UBE2R2: variants seen among roughly 807,000 people sequenced by gnomAD.
UBE2R2 encodes ubiquitin conjugating enzyme E2 R2, also known as ubiquitin-conjugating enzyme E2 R2.
UBE2R2 carries 1 observed loss-of-function variant against 27.8 expected under a neutral mutation model. The ratio of observed to expected loss-of-function variants is 0.04; its 90% CI spans 0.01 to 0.17. The LOEUF (loss-of-function observed/expected upper bound fraction) is 0.17. UBE2R2 is among the 10% of genes least tolerant of loss of function. The probability of loss-of-function intolerance (pLI) is 1.00; values close to 1 mark genes in which losing one functional copy is unlikely to be tolerated. For synonymous variants in UBE2R2, 106 were observed against 113.3 expected (o/e 0.94, Z 0.41); for missense variants, 100 against 291.0 (o/e 0.34, Z 4.78).
rs959297785 is a variant in UBE2R2, at chr9:33,817,199, C to G, written c.-559C>G. On this transcript the variant is annotated 5_prime_UTR_variant, in exon 1 of 5. Transcript: ENST00000263228. ...TTGCTCCCGCGGCGCGAGGCGCTCTCGCTCTCCTCCTCCTCCGCCGTCGCC... is the reference window on the plus strand; with the variant it reads ...TTGCTCCCGCGGCGCGAGGCGCTCTGGCTCTCCTCCTCCTCCGCCGTCGCC... 6.7e-6 allele frequency among the ~76,000 whole-genome samples: 1 copy of G among 148,534 alleles called. No homozygotes were observed. Among genetic ancestry groups the G allele is most frequent in the Non-Finnish European group, 1.5e-5 (1 of 66,758 alleles).
At chr9:33,846,041 G>T (rs1242937377) in intron 1 of UBE2R2, among the ~76,000 whole-genome samples, 1 of 151,814 alleles carries the variant, frequency 6.6e-6, no homozygotes, top group Admixed American at 6.6e-5. Flanking sequence ...CAGGAAAATG[G>T]CGTGAACTCG....
In UBE2R2 at chr9:33,817,539, T is replaced by G; in HGVS notation, c.-219T>G. On this transcript the variant is annotated 5_prime_UTR_variant, in exon 1 of 5. Coordinates refer to ENST00000263228, the MANE Select transcript of UBE2R2 (RefSeq NM_017811.4). ...CCTCTCCTCTCGCCCGGCCCGAGTG[T>G]GAGGAGAAGGGCCCGGCCCGGCCTG... is the stretch of plus-strand genomic sequence containing the variant. 9 of 265,304 alleles carry G rather than the reference T, an allele frequency of 3.4e-5. No homozygotes were observed. The highest frequency in any genetic ancestry group is 4.3e-5 in the Non-Finnish European group (7 of 163,820). The allele number at this position is 265,304 out of a possible 1,614,324, so 16.4% of individuals were successfully genotyped here.
chr9:33,864,527 A>G (rs928178577), intron 1 of UBE2R2, among the ~76,000 whole-genome samples: 2 of 152,136 alleles, frequency 1.3e-5, no homozygotes, highest in Admixed American at 6.6e-5. Context: ...CTCTTCTGGA[A>G]TTACTCCCAC....
intron 3 of UBE2R2, among the ~76,000 whole-genome samples, chr9:33,905,497 G>A (rs146538079): frequency 6.6e-6 from 1 of 152,318 alleles, no homozygotes; most frequent in African/African-American, 2.4e-5. Flanking sequence ...CTCTGCAGAT[G>A]ATACATAATT....
At position 33,906,431 on chromosome 9, in the gene UBE2R2, A is replaced by AT. The variant is rs1182051796; in HGVS notation, c.363-5527dup. Among the ~76,000 whole-genome samples, 6 of 152,152 alleles carry AT rather than the reference A, an allele frequency of 3.9e-5. No homozygotes were observed. The East Asian group carries it at 1.2e-3, about 29-fold the overall frequency. On this transcript the variant is annotated intron_variant, in intron 3 of 4. Transcript: ENST00000263228. ...GCCACCACACCTGGCATAAGCTTAG[A>AT]TTTTTTGGTTTTTAGGAATAAGCCC... is the stretch of plus-strand genomic sequence containing the variant.
chr9:33,856,300 T>C (rs1419695965), intron 1 of UBE2R2, among the ~76,000 whole-genome samples: 1 of 152,188 alleles, frequency 6.6e-6, no homozygotes, highest in Admixed American at 6.6e-5. Context: ...TGTATGTATA[T>C]GTAATTTTAA....
chr9:33,849,714 C>T (rs1461149079), intron 1 of UBE2R2, among the ~76,000 whole-genome samples: 3 of 147,650 alleles, frequency 2.0e-5, no homozygotes, highest in East Asian at 4.0e-4. Flanking sequence ...AAAAGTCAGG[C>T]GGTGTGGTGG....
intron 1 of UBE2R2, among the ~76,000 whole-genome samples, chr9:33,859,416 A>C (rs894872471): frequency 6.6e-6 from 1 of 152,172 alleles, no homozygotes; most frequent in Non-Finnish European, 1.5e-5. Context: ...CCTGCCTGAT[A>C]GTTTTAGATC....
chr9:33,864,766 C>A (rs530182220), intron 1 of UBE2R2, among the ~76,000 whole-genome samples: 1 of 150,868 alleles, frequency 6.6e-6, no homozygotes, highest in Non-Finnish European at 1.5e-5. Context: ...CTCTTGTTGC[C>A]CAGGCTGGAG....
chr9:33,845,348 G>A (rs1355182131), intron 1 of UBE2R2, among the ~76,000 whole-genome samples: 3 of 151,126 alleles, frequency 2.0e-5, no homozygotes, highest in East Asian at 2.0e-4. Context: ...CCGGGTTCAC[G>A]CCATTCTCCT....
At chr9:33,868,237 C>T (rs1821406652) in intron 1 of UBE2R2, among the ~76,000 whole-genome samples, 1 of 152,050 alleles carries the variant, frequency 6.6e-6, no homozygotes, top group South Asian at 2.1e-4. Context: ...TGTTGCTCTG[C>T]CAGCTGAAGT....
rs1237243317 is a variant in UBE2R2, at chr9:33,861,253, C to T, written c.178-25628C>T. 2.6e-5 allele frequency among the ~76,000 whole-genome samples: 4 copies of T among 151,176 alleles called. No individual in the cohort carries two copies. In the East Asian group the frequency reaches 8.0e-4, roughly 30 times the overall value. ...GGGATTACAGGCGTGAGCCACTGCG[C>T]CTGGCCAACCTTGTGTTAAGTTTTA... On this transcript the variant is annotated intron_variant, in intron 1 of 4. Coordinates refer to ENST00000263228, the MANE Select transcript of UBE2R2 (RefSeq NM_017811.4).
At chr9:33,879,402 C>T (rs940883104) in intron 1 of UBE2R2, among the ~76,000 whole-genome samples, 1 of 152,302 alleles carries the variant, frequency 6.6e-6, no homozygotes, top group Middle Eastern at 3.4e-3. Flanking sequence ...ATCTATTCTA[C>T]ATAAATTTTC....
intron 2 of UBE2R2, 84 bp downstream of exon 2, chr9:33,887,051 G>A: frequency 9.1e-7 from 1 of 1,095,570 alleles, no homozygotes; most frequent in South Asian, 1.5e-5. Context: ...AGCACACTTT[G>A]ATACTTAGGC....
intron 2 of UBE2R2, among the ~76,000 whole-genome samples, chr9:33,896,209 T>G (rs1024377329): frequency 1.3e-5 from 2 of 152,196 alleles, no homozygotes; most frequent in African/African-American, 4.8e-5. Flanking sequence ...ATTTATTAGC[T>G]TTTGTAGCTT....
chr9:33,846,415 T>C (rs1820847910), intron 1 of UBE2R2, among the ~76,000 whole-genome samples: 1 of 152,246 alleles, frequency 6.6e-6, no homozygotes, highest in Non-Finnish European at 1.5e-5. Context: ...ATAGTTACAT[T>C]GTCATTGCAT....
In UBE2R2 at chr9:33,876,827, AATGGC is replaced by A. The variant is rs1193895228; in HGVS notation, c.178-10050_178-10046del. On this transcript the variant is annotated intron_variant, in intron 1 of 4. Transcript: ENST00000263228. Reference sequence around the variant, plus strand: ...GCTACTCAGGAGGCTGAGGCAGGAGAATGGCATGAACTCGGGAGGCGGAGCTTGCA... The same window carrying A: ...GCTACTCAGGAGGCTGAGGCAGGAGAATGAACTCGGGAGGCGGAGCTTGCA... Among the ~76,000 whole-genome samples the A allele has an allele frequency of 2.6e-5, 4 of 152,046 alleles. No individual in the cohort carries two copies. The South Asian group carries it at 8.3e-4, about 32-fold the overall frequency.
At chr9:33,818,411 C>T (rs915272876) in intron 1 of UBE2R2, among the ~76,000 whole-genome samples, 4 of 150,986 alleles carry the variant, frequency 2.6e-5, no homozygotes, top group Non-Finnish European at 4.4e-5. Flanking sequence ...ACCAGCTTGT[C>T]ATTTCAGAAG....
In UBE2R2 at chr9:33,854,495, T is replaced by A. The variant is rs1439221458; in HGVS notation, c.178-32386T>A. Among the ~76,000 whole-genome samples, 3 of 151,600 alleles carry A rather than the reference T, an allele frequency of 2.0e-5. 1 individual carries two copies. Among genetic ancestry groups the A allele is most frequent in the South Asian group, 4.2e-4 (2 of 4,800 alleles). ...CCACCATGCCCGGCTAGTTTTTGTA[T>A]TTTTTTTGTAGAGACGGGGTTTTAC... On this transcript the variant is annotated intron_variant, in intron 1 of 4. Transcript: ENST00000263228.
Sources: gnomAD v4.1 joint callset for allele counts (sites outside exome capture counted in the v4.1 genomes callset) on GRCh38, gnomAD v4.1.1 for gene constraint, MANE v1.5 for transcripts, NCBI Gene and HGNC (gene_info 2026-07-23, HGNC 2026-07-21) for gene names.